Variants in ACTA2 observed in about 807,000 individuals in gnomAD.
ACTA2 encodes the protein actin alpha 2, smooth muscle, also known as actin, aortic smooth muscle.
A neutral mutation model predicts 39.5 loss-of-function variants in ACTA2; 12 were observed. The ratio of observed to expected loss-of-function variants is 0.30; its 90% CI spans 0.19 to 0.49. The LOEUF (loss-of-function observed/expected upper bound fraction) is 0.49, where lower values mean the gene tolerates loss of function less well. Among genes scored for constraint, ACTA2 ranks in the 20% least tolerant of loss-of-function variants. ACTA2 has a pLI of 0.99. For missense variants in ACTA2, 236 were observed against 498.8 expected, an observed-to-expected ratio of 0.47 and a Z score of 5.02; for synonymous variants, 158 against 180.6, an observed-to-expected ratio of 0.88 and a Z score of 1.00.
chr10:88,936,787 C>T (rs1401017979), intron 8 of ACTA2, among the ~76,000 whole-genome samples: 2 of 152,140 alleles, frequency 1.3e-5, no homozygotes, highest in Admixed American at 1.3e-4. Flanking sequence ...GCAAGAACAG[C>T]CTATGACAAA....
At chr10:88,979,551 G>A (rs953532045) in intron 1 of ACTA2, among the ~76,000 whole-genome samples, 1 of 152,100 alleles carries the variant, frequency 6.6e-6, no homozygotes, top group East Asian at 1.9e-4. Flanking sequence ...AAGAGAATGT[G>A]AGAGTCTCAC....
chr10:88,982,243 T>C (rs1427550317), intron 1 of ACTA2, among the ~76,000 whole-genome samples: 1 of 152,198 alleles, frequency 6.6e-6, no homozygotes, highest in African/African-American at 2.4e-5. Flanking sequence ...TTTATGAGCA[T>C]TGAATGAAAT....
chr10:88,965,528 C>T (rs993529860), intron 1 of ACTA2, among the ~76,000 whole-genome samples: 2 of 152,168 alleles, frequency 1.3e-5, no homozygotes, highest in African/African-American at 4.8e-5. Context: ...AAGCAGCACG[C>T]GGCTGCCTAG....
intron 8 of ACTA2, 127 bp downstream of exon 8, chr10:88,937,934 T>C: frequency 9.9e-7 from 1 of 1,011,594 alleles, no homozygotes; most frequent in South Asian, 1.4e-5. Context: ...GAGATTTGTG[T>C]CCATTACCTA....
intron 4 of ACTA2, among the ~76,000 whole-genome samples, chr10:88,942,743 A>ATTTTTT (rs59310986): frequency 6.9e-6 from 1 of 143,994 alleles, no homozygotes; most frequent in Non-Finnish European, 1.5e-5. Context: ...ATTTCCAACC[A>ATTTTTT]TTTTTTTTTT....
chr10:88,962,441 A>T (rs183562937), intron 1 of ACTA2, among the ~76,000 whole-genome samples: 12 of 152,110 alleles, frequency 7.9e-5, no homozygotes, highest in African/African-American at 2.4e-4. Flanking sequence ...TTAGTGGTTT[A>T]AAAAAAGAGG....
chr10:88,967,526 T>G (rs1846340957), intron 1 of ACTA2, among the ~76,000 whole-genome samples: 1 of 152,204 alleles, frequency 6.6e-6, no homozygotes, highest in Admixed American at 6.5e-5. Flanking sequence ...CACTAACCCA[T>G]GCTTACATGC....
chr10:88,937,726 T>C (rs1459370746), intron 8 of ACTA2, among the ~76,000 whole-genome samples: 2 of 152,196 alleles, frequency 1.3e-5, no homozygotes, highest in Non-Finnish European at 2.9e-5. Context: ...ATGTGTTACA[T>C]GCATGATGCA....
rs777366519 is a variant in ACTA2, at chr10:88,941,748, C to G, written c.454+37G>C. On this transcript the variant is annotated intron_variant, in intron 5 of 8. Coordinates refer to ENST00000224784, the MANE Select transcript of ACTA2 (RefSeq NM_001613.4). ...CCATTCAATCCCATCTCTGGCAGTG[C>G]GCTCCAACCAGCTTGCTGTCCCGCC... 3 of 1,570,316 alleles carry G rather than the reference C, an allele frequency of 1.9e-6. No individual in the cohort carries two copies. In the Admixed American group the frequency reaches 5.2e-5, roughly 27 times the overall value.
chr10:88,974,276 G>A (rs1846515237), intron 1 of ACTA2: 1 of 151,626 alleles, frequency 6.6e-6, no homozygotes. Context: ...AGGCTCTCAA[G>A]GACTCAATTT....
Position 88,943,962 on chromosome 10 carries a change from G to A in ACTA2, c.259-55C>T. On this transcript the variant is annotated intron_variant, in intron 3 of 8. Coordinates refer to ENST00000224784, the MANE Select transcript of ACTA2 (RefSeq NM_001613.4). ...CAATGATGTGCTGTCATGAGGTCCT[G>A]CATTTCCCAAAAAGGGACCAGAAGC... 6 of 1,523,286 alleles carry A rather than the reference G, an allele frequency of 3.9e-6. No homozygotes were observed. The South Asian group carries it at 4.5e-5, about 11-fold the overall frequency. 94.4% of individuals were successfully genotyped at this position (1,523,286 alleles called of 1,614,324 possible).
chr10:88,949,243 A>C (rs891612891), intron 1 of ACTA2, among the ~76,000 whole-genome samples: 3 of 152,338 alleles, frequency 2.0e-5, no homozygotes, highest in Middle Eastern at 3.4e-3. Flanking sequence ...GGATAGAGCC[A>C]GTGAATGAAT....
At chr10:88,941,967 C>A (rs1169463147) in intron 4 of ACTA2, 98 bp from the exon 5 acceptor site, 23 of 1,163,052 alleles carry the variant, frequency 2.0e-5, no homozygotes, top group Non-Finnish European at 2.6e-5. Flanking sequence ...AGGGGCCTGA[C>A]CTGTTCTGGG....
At chr10:88,989,563 C>G (rs1370004258) in intron 1 of ACTA2, 2 of 541,930 alleles carry the variant, frequency 3.7e-6, no homozygotes, top group East Asian at 8.6e-5. Flanking sequence ...AGCCTATCAA[C>G]ACCTACAAGA....
intron 1 of ACTA2, among the ~76,000 whole-genome samples, chr10:88,980,366 C>T (rs1846681614): frequency 2.0e-5 from 3 of 152,154 alleles, no homozygotes; most frequent in Admixed American, 1.3e-4. Context: ...CATCAGGACG[C>T]TGAACATAAC....
chr10:88,949,831 GTTA>G (rs1846018413), intron 1 of ACTA2, among the ~76,000 whole-genome samples: 1 of 152,008 alleles, frequency 6.6e-6, no homozygotes, highest in African/African-American at 2.4e-5. Context: ...GTTGACTGAG[GTTA>G]TTATGAAGTG....
chr10:88,988,415 AG>A (rs1846974422), intron 1 of ACTA2, among the ~76,000 whole-genome samples: 6 of 26,616 alleles, frequency 2.3e-4, no homozygotes, highest in South Asian at 1.4e-3. Context: ...AAGATGTAGA[AG>A]TTTTTTTTTT....
intron 5 of ACTA2, 72 bp downstream of exon 5, chr10:88,941,713 G>C: frequency 7.4e-7 from 1 of 1,356,808 alleles, no homozygotes; most frequent in Non-Finnish European, 1.0e-6. Flanking sequence ...TCACCCCCAC[G>C]TGTTAACGAC....
chr10:88,943,726 G>T (rs781394432), intron 4 of ACTA2, 71 bp downstream of exon 4: 14 of 1,306,634 alleles, frequency 1.1e-5, no homozygotes, highest in Non-Finnish European at 1.2e-5. Context: ...TCTCTGCTGT[G>T]CTGCATAGCC....
Sources: allele counts gnomAD v4.1 joint callset (sites outside exome capture counted in the v4.1 genomes callset), GRCh38; gene constraint gnomAD v4.1.1; transcripts MANE v1.5; gene names NCBI Gene and HGNC (gene_info 2026-07-23, HGNC 2026-07-21).